AGBL1: variants seen among roughly 807,000 people sequenced by gnomAD.
AGBL1 encodes cytosolic carboxypeptidase 4.
A neutral mutation model predicts 118.9 loss-of-function variants in AGBL1; 130 were observed. The observed-to-expected ratio is 1.09, with a 90% CI of 0.95 to 1.26. The LOEUF is 1.26. Ranked by LOEUF, AGBL1 falls within the 50% of genes most tolerant of loss-of-function variation. The pLI, the probability that AGBL1 is intolerant of heterozygous loss-of-function variation, is 0.00. For synonymous variants in AGBL1, 555 were observed against 478.9 expected (o/e 1.16, Z -2.08); for missense variants, 1,584 against 1,298.1 (o/e 1.22, Z -3.38).
intron 17 of AGBL1, among the ~76,000 whole-genome samples, chr15:86,358,176 A>G (rs2080751449): frequency 6.6e-6 from 1 of 151,986 alleles, no homozygotes; most frequent in African/African-American, 2.4e-5. Flanking sequence ...TTTAATCAAT[A>G]TCTCCCCATT....
intron 21 of AGBL1, among the ~76,000 whole-genome samples, chr15:86,575,071 C>T (rs1479864297): frequency 6.6e-6 from 1 of 152,002 alleles, no homozygotes; most frequent in Non-Finnish European, 1.5e-5. Context: ...TGCCTGCAGT[C>T]CCAGCTACTT....
intron 1 of AGBL1, among the ~76,000 whole-genome samples, chr15:86,122,283 G>T (rs971842336): frequency 6.6e-6 from 1 of 152,162 alleles, no homozygotes; most frequent in Non-Finnish European, 1.5e-5. Context: ...ATAGGAAGGA[G>T]GAGAATGTAG....
intron 22 of AGBL1, among the ~76,000 whole-genome samples, chr15:86,678,414 C>G (rs1372121605): frequency 6.6e-6 from 1 of 151,968 alleles, no homozygotes; most frequent in Non-Finnish European, 1.5e-5. Context: ...AGATAAAAAT[C>G]CTTCTATATC....
chr15:86,712,061 A>C (rs2086568946), intron 22 of AGBL1, among the ~76,000 whole-genome samples: 3 of 152,152 alleles, frequency 2.0e-5, no homozygotes, highest in South Asian at 4.1e-4. Context: ...ATCTGAGCTC[A>C]AATTCACCCC....
intron 24 of AGBL1, among the ~76,000 whole-genome samples, chr15:87,021,104 ACAAAC>A (rs1256065584): frequency 6.6e-6 from 1 of 152,148 alleles, no homozygotes; most frequent in East Asian, 1.9e-4. Flanking sequence ...AAACTATGCT[ACAAAC>A]CAAACAGTAA....
At chr15:87,003,341 G>T (rs562355217) in intron 24 of AGBL1, among the ~76,000 whole-genome samples, 1 of 151,336 alleles carries the variant, frequency 6.6e-6, no homozygotes, top group African/African-American at 2.4e-5. Context: ...CTTGATCATG[G>T]TGGATAAGGT....
chr15:86,794,002 C>T (rs762369223), intron 22 of AGBL1, among the ~76,000 whole-genome samples: 1 of 152,096 alleles, frequency 6.6e-6, no homozygotes, highest in African/African-American at 2.4e-5. Context: ...ATTGCTGGTG[C>T]AAATGAAAAT....
At chr15:86,514,244 G>A (rs1421081874) in intron 18 of AGBL1, among the ~76,000 whole-genome samples, 1 of 151,858 alleles carries the variant, frequency 6.6e-6, no homozygotes, top group East Asian at 1.9e-4. Context: ...CAAAATCACA[G>A]AGTTAATTCC....
chr15:86,826,411 A>T (rs964938359), intron 22 of AGBL1, among the ~76,000 whole-genome samples: 1 of 152,076 alleles, frequency 6.6e-6, no homozygotes, highest in African/African-American at 2.4e-5. Flanking sequence ...ATTAGAATTG[A>T]TTTATTACAC....
Position 86,397,604 on chromosome 15 carries a change from C to T in AGBL1, c.2555+58C>T, listed in dbSNP as rs140210746. On this transcript the variant is annotated intron_variant, in intron 18 of 22. Transcript: ENST00000614907. ...AATTATGCTACCACAGTGACACTGT[C>T]ATTTCACCAAGTAGGCGTGATTGGA... is the stretch of plus-strand genomic sequence containing the variant. The T allele has an allele frequency of 1.8e-3, 2,719 of 1,493,738 alleles. 2 individuals are homozygous for T. Among genetic ancestry groups the T allele is most frequent in the Non-Finnish European group, 2.3e-3 (2,532 of 1,096,906 alleles). The allele number at this position is 1,493,738 out of a possible 1,614,324, so 92.5% of individuals were successfully genotyped here. A position where few individuals can be genotyped will look rare whatever the true frequency, so the allele number is the denominator to read the frequency against.
rs566542329 is a variant in AGBL1 at position 86,129,512 on chromosome 15, G to A, written c.52-12492G>A. 1.1e-4 allele frequency among the ~76,000 whole-genome samples: 16 copies of A among 152,286 alleles called. No homozygotes were observed. The East Asian group carries it at 2.9e-3, about 28-fold the overall frequency. On this transcript the variant is annotated intron_variant, in intron 1 of 22. Transcript: ENST00000614907. ...TTCATTATCCCCATTAGGTTTACCG[G>A]GAGGAATAGTATGTTACATAGGTAT... is the stretch of plus-strand genomic sequence containing the variant.
chr15:86,614,956 A>G (rs982083710), intron 21 of AGBL1, among the ~76,000 whole-genome samples: 1 of 152,178 alleles, frequency 6.6e-6, no homozygotes, highest in Non-Finnish European at 1.5e-5. Context: ...AAGGTAGTTT[A>G]TAGAGAATGA....
chr15:86,662,521 T>A (rs1002215273), intron 21 of AGBL1, among the ~76,000 whole-genome samples: 2 of 152,224 alleles, frequency 1.3e-5, no homozygotes, highest in Non-Finnish European at 2.9e-5. Context: ...AGAGAGATCT[T>A]GCTGGAGAGT....
chr15:86,606,049 C>A (rs1390517865), intron 21 of AGBL1, among the ~76,000 whole-genome samples: 3 of 146,290 alleles, frequency 2.1e-5, no homozygotes, highest in Non-Finnish European at 4.5e-5. Flanking sequence ...ATCGCTTAAA[C>A]CCAGAAGGCA....
At chr15:86,940,101 G>A (rs1212947811) in intron 23 of AGBL1, among the ~76,000 whole-genome samples, 1 of 120,500 alleles carries the variant, frequency 8.3e-6, no homozygotes, top group Non-Finnish European at 1.7e-5. Context: ...TAGAGACGGG[G>A]TTTCTCTGTG....
chr15:86,343,997 A>G (rs561498597), intron 17 of AGBL1, among the ~76,000 whole-genome samples: 95 of 152,318 alleles, frequency 6.2e-4, no homozygotes, highest in Admixed American at 3.3e-4. Context: ...ATATTTCACA[A>G]GGTAGCATAT....
chr15:86,730,870 C>T (rs1353231706), intron 22 of AGBL1, among the ~76,000 whole-genome samples: 1 of 152,036 alleles, frequency 6.6e-6, no homozygotes, highest in Non-Finnish European at 1.5e-5. Context: ...CTCTGTTGCC[C>T]AGGCTGGAGT....
intron 6 of AGBL1, among the ~76,000 whole-genome samples, chr15:86,241,888 G>A (rs1440489226): frequency 7.2e-5 from 11 of 152,100 alleles, no homozygotes; most frequent in Admixed American, 7.2e-4. Flanking sequence ...GTTATGATTT[G>A]GCTGTGTCTC....
chr15:86,320,722 C>CGTGT (rs3050863), intron 17 of AGBL1, among the ~76,000 whole-genome samples: 22 of 148,156 alleles, frequency 1.5e-4, no homozygotes, highest in Middle Eastern at 3.4e-3. Context: ...TGTGTGTGTG[C>CGTGT]GTGTGTGTGT....
Sources: allele counts gnomAD v4.1 joint callset (sites outside exome capture counted in the v4.1 genomes callset), GRCh38; gene constraint gnomAD v4.1.1; transcripts MANE v1.5; gene names NCBI Gene and HGNC (gene_info 2026-07-23, HGNC 2026-07-21).